The following SEMA3A variants were observed in gnomAD, a reference collection of about 807,000 sequenced individuals.
SEMA3A encodes the protein semaphorin-3A.
A neutral mutation model predicts 97.9 loss-of-function variants in SEMA3A; 29 were observed. That is an observed-to-expected ratio of 0.30 (90% CI 0.22 to 0.40). The LOEUF (loss-of-function observed/expected upper bound fraction) is 0.40, where lower values mean the gene tolerates loss of function less well. Ranked by LOEUF, SEMA3A falls within the 10% of genes least tolerant of loss-of-function variation. The pLI is 1.00. For synonymous variants in SEMA3A, 321 were observed against 323.7 expected (o/e 0.99, Z 0.09); for missense variants, 763 against 951.3 (o/e 0.80, Z 2.60).
intron 3 of SEMA3A, among the ~76,000 whole-genome samples, chr7:84,223,742 A>G (rs1171656551): frequency 6.6e-6 from 1 of 151,992 alleles, no homozygotes; most frequent in East Asian, 1.9e-4. Context: ...TAAAATTAAC[A>G]TGACATGTAG....
rs141689509 is a variant in SEMA3A at position 83,987,245 on chromosome 7, T to C, written c.1453-1768A>G. Among the ~76,000 whole-genome samples the C allele has an allele frequency of 3.9e-5, 6 of 151,984 alleles. No homozygotes were observed. In the East Asian group the frequency reaches 1.2e-3, roughly 29 times the overall value. On this transcript the variant is annotated intron_variant, in intron 12 of 16. Coordinates refer to ENST00000265362, the MANE Select transcript of SEMA3A (RefSeq NM_006080.3). ...TGGGGCAAGAGTAAAAAATTGAGGA[T>C]TGAGAAGAAGGTGGAAAAAAATCAA...
chr7:84,347,885 C>T (rs1802340225), intron 2 of SEMA3A, among the ~76,000 whole-genome samples: 1 of 152,086 alleles, frequency 6.6e-6, no homozygotes, highest in Non-Finnish European at 1.5e-5. Context: ...AGGCAACTTT[C>T]AGAGTGATGG....
chr7:84,134,788 T>G lies in SEMA3A; in HGVS notation c.270+6A>C, dbSNP rs369714200. The G allele has an allele frequency of 6.9e-6, 11 of 1,601,382 alleles. No homozygotes were observed. The African/African-American group carries it at 8.1e-5, about 12-fold the overall frequency. ...AACTATAGTGCATATATTAGAATAC[T>G]GATACCTTTTGAAAATCCTTGATAT... On this transcript the variant is annotated splice_donor_region_variant and intron_variant, in intron 2 of 16. Coordinates refer to ENST00000265362, the MANE Select transcript of SEMA3A (RefSeq NM_006080.3).
chr7:84,148,536 G>C (rs553190699), intron 1 of SEMA3A, among the ~76,000 whole-genome samples: 1 of 152,116 alleles, frequency 6.6e-6, no homozygotes, highest in Non-Finnish European at 1.5e-5. Flanking sequence ...TTCCCCAATA[G>C]TGTGCTTTAA....
intron 1 of SEMA3A, among the ~76,000 whole-genome samples, chr7:84,385,064 A>AACACACAC (rs58600722): frequency 6.8e-5 from 10 of 147,434 alleles, no homozygotes; most frequent in East Asian, 2.0e-4. Flanking sequence ...ACATCCACAA[A>AACACACAC]ACACACACAC....
chr7:84,031,658 AC>A (rs1791761588), intron 6 of SEMA3A, among the ~76,000 whole-genome samples: 1 of 151,432 alleles, frequency 6.6e-6, no homozygotes, highest in Non-Finnish European at 1.5e-5. Flanking sequence ...ACATGGAGAA[AC>A]CCCGTCTCTA....
At chr7:84,425,026 A>G (rs1804755271) in intron 1 of SEMA3A, among the ~76,000 whole-genome samples, 1 of 103,062 alleles carries the variant, frequency 9.7e-6, no homozygotes, top group African/African-American at 4.0e-5. Flanking sequence ...TTATTTATAT[A>G]TAATTATTTA....
At chr7:84,308,824 C>CTTT (rs35125279) in intron 2 of SEMA3A, among the ~76,000 whole-genome samples, 100,664 of 144,722 alleles carry the variant, frequency 0.7, 35,118 homozygotes, top group East Asian at 0.79. Context: ...CTTTTTTTTT[C>CTTT]TTTTTTTTTT....
intron 3 of SEMA3A, among the ~76,000 whole-genome samples, chr7:84,207,981 C>A (rs1281673566): frequency 6.6e-6 from 1 of 152,092 alleles, no homozygotes; most frequent in South Asian, 2.1e-4. Context: ...TGTGTATATG[C>A]ACACATGCAC....
chr7:84,465,460 A>AT (rs1033248924), intron 1 of SEMA3A, among the ~76,000 whole-genome samples: 4 of 152,140 alleles, frequency 2.6e-5, no homozygotes, highest in Non-Finnish European at 4.4e-5. Context: ...TTCTTTTCTG[A>AT]TTTTTTGTAT....
At chr7:84,229,639 G>C (rs2116353177) in intron 3 of SEMA3A, among the ~76,000 whole-genome samples, 1 of 152,016 alleles carries the variant, frequency 6.6e-6, no homozygotes. Context: ...ATAATGAAAG[G>C]TTTTCTGTAG....
intron 1 of SEMA3A, among the ~76,000 whole-genome samples, chr7:84,425,877 C>CA (rs1491123020): frequency 0.099 from 5,356 of 53,932 alleles, 188 homozygotes; most frequent in East Asian, 0.4. Context: ...CACACACACA[C>CA]CCACACACAC....
intron 1 of SEMA3A, among the ~76,000 whole-genome samples, chr7:84,374,155 C>T (rs908274588): frequency 6.6e-6 from 1 of 152,094 alleles, no homozygotes; most frequent in African/African-American, 2.4e-5. Context: ...TAAGACACTG[C>T]ATGTCAATGA....
intron 3 of SEMA3A, among the ~76,000 whole-genome samples, chr7:84,241,436 A>G (rs183091174): frequency 2.0e-5 from 3 of 152,112 alleles, no homozygotes; most frequent in Admixed American, 6.5e-5. Flanking sequence ...TCCTTGGCTC[A>G]CTTTTTGATG....
intron 1 of SEMA3A, among the ~76,000 whole-genome samples, chr7:84,186,061 A>T (rs2116252408): frequency 6.6e-6 from 1 of 152,280 alleles, no homozygotes; most frequent in Non-Finnish European, 1.5e-5. Context: ...AAGTCATATA[A>T]ATTATTCTAA....
At chr7:84,481,026 T>C (rs924374755) in intron 1 of SEMA3A, among the ~76,000 whole-genome samples, 3 of 152,182 alleles carry the variant, frequency 2.0e-5, no homozygotes, top group African/African-American at 7.2e-5. Flanking sequence ...GTGACTGTTT[T>C]TGAAAGAAAG....
chr7:84,267,096 A>T (rs973616368), intron 3 of SEMA3A, among the ~76,000 whole-genome samples: 1 of 152,280 alleles, frequency 6.6e-6, no homozygotes, highest in Admixed American at 6.5e-5. Context: ...TCCCAAATCC[A>T]AAATTCTCCA....
intron 4 of SEMA3A, among the ~76,000 whole-genome samples, chr7:84,080,486 T>C (rs115754692): frequency 0.01 from 1,576 of 152,200 alleles, 29 homozygotes; most frequent in African/African-American, 0.037. Flanking sequence ...ACTAAATCTT[T>C]ATTATAAATT....
chr7:84,436,673 G>C (rs1805139595), intron 1 of SEMA3A, among the ~76,000 whole-genome samples: 1 of 152,002 alleles, frequency 6.6e-6, no homozygotes, highest in Non-Finnish European at 1.5e-5. Flanking sequence ...TGTTTGCTTT[G>C]ATACTGACAG....
Sources: gnomAD v4.1 joint callset for allele counts (sites outside exome capture counted in the v4.1 genomes callset) on GRCh38, gnomAD v4.1.1 for gene constraint, MANE v1.5 for transcripts, NCBI Gene and HGNC (gene_info 2026-07-23, HGNC 2026-07-21) for gene names.